DPP10: variants seen among roughly 807,000 people sequenced by gnomAD.
DPP10 encodes inactive dipeptidyl peptidase 10.
A neutral mutation model predicts 120.9 loss-of-function variants in DPP10; 33 were observed. That is an observed-to-expected ratio of 0.27 (90% CI 0.21 to 0.37). DPP10 has a LOEUF of 0.37. DPP10 is among the 10% of genes least tolerant of loss of function. The pLI is 1.00. For synonymous variants in DPP10, 337 were observed against 326.1 expected, an observed-to-expected ratio of 1.03 and a Z score of -0.36; for missense variants, 816 against 942.8, an observed-to-expected ratio of 0.87 and a Z score of 1.76.
At chr2:115,234,567 GAA>G (rs2105512094) in intron 1 of DPP10, 2 of 152,392 alleles carry the variant, frequency 1.3e-5, no homozygotes, top group South Asian at 4.1e-4. Flanking sequence ...AGTTACTGGG[GAA>G]CATTTGAAGG....
intron 1 of DPP10, among the ~76,000 whole-genome samples, chr2:114,485,591 T>C (rs1174856039): frequency 6.7e-6 from 1 of 148,202 alleles, no homozygotes; most frequent in East Asian, 1.9e-4. Flanking sequence ...GCACTAGTGT[T>C]GTGGCCTAAT....
At chr2:115,290,411 G>A (rs934427052) in intron 1 of DPP10, among the ~76,000 whole-genome samples, 4 of 152,006 alleles carry the variant, frequency 2.6e-5, no homozygotes, top group Non-Finnish European at 5.9e-5. Context: ...TGGATAAATA[G>A]GCAGGTGGAT....
chr2:115,179,682 T>C (rs1034860599), intron 1 of DPP10, among the ~76,000 whole-genome samples: 3 of 152,182 alleles, frequency 2.0e-5, no homozygotes, highest in African/African-American at 7.2e-5. Flanking sequence ...TTATGGATTT[T>C]TGTGTCCTTA....
In DPP10 at chr2:114,598,214, G is replaced by T. The variant is rs139594401; in HGVS notation, c.60+155376G>T. ...GATACAGGGCTAAAGTGGCTAACTTGTTCTACATTTTAGAGAAACTTGTTT... is the reference window on the plus strand; with the variant it reads ...GATACAGGGCTAAAGTGGCTAACTTTTTCTACATTTTAGAGAAACTTGTTT... On this transcript the variant is annotated intron_variant, in intron 1 of 25. Transcript: ENST00000410059. Among the ~76,000 whole-genome samples, 414 of 152,028 alleles carry T rather than the reference G, an allele frequency of 2.7e-3. 3 individuals carry two copies. Among genetic ancestry groups the T allele is most frequent in the African/African-American group, 9.4e-3 (390 of 41,518 alleles).
chr2:115,522,817 A>G (rs1348670782), intron 4 of DPP10, among the ~76,000 whole-genome samples: 1 of 152,190 alleles, frequency 6.6e-6, no homozygotes, highest in Non-Finnish European at 1.5e-5. Flanking sequence ...TAATAGCATT[A>G]TTGGCAATAA....
intron 3 of DPP10, among the ~76,000 whole-genome samples, chr2:115,440,398 C>T (rs1283693633): frequency 1.3e-5 from 2 of 151,636 alleles, no homozygotes; most frequent in East Asian, 3.9e-4. Context: ...TCCCTTTTTT[C>T]TAGATATTCC....
intron 1 of DPP10, among the ~76,000 whole-genome samples, chr2:115,300,877 T>G (rs1261142137): frequency 6.6e-6 from 1 of 152,064 alleles, no homozygotes; most frequent in African/African-American, 2.4e-5. Context: ...TTGAAAGGGC[T>G]GGATTTCCCT....
chr2:115,268,796 G>A (rs372404391), intron 1 of DPP10, among the ~76,000 whole-genome samples: 3 of 152,028 alleles, frequency 2.0e-5, no homozygotes, highest in African/African-American at 4.8e-5. Flanking sequence ...TTTCTTTACC[G>A]TTATATCTGC....
At chr2:115,193,832 C>G (rs535291921) in intron 1 of DPP10, among the ~76,000 whole-genome samples, 1 of 152,080 alleles carries the variant, frequency 6.6e-6, no homozygotes, top group East Asian at 1.9e-4. Context: ...CTCAATCACC[C>G]GGGAGGAACC....
intron 19 of DPP10, among the ~76,000 whole-genome samples, chr2:115,811,984 T>C (rs1238099564): frequency 6.6e-6 from 1 of 152,208 alleles, no homozygotes; most frequent in African/African-American, 2.4e-5. Context: ...GTTGTTATTG[T>C]CCTATAAATC....
chr2:115,402,965 G>GTA (rs1391993899), intron 3 of DPP10, among the ~76,000 whole-genome samples: 3 of 133,864 alleles, frequency 2.2e-5, no homozygotes, highest in East Asian at 2.1e-4. Context: ...ATATATATAT[G>GTA]TATATATATA....
chr2:115,457,447 A>T (rs843442), intron 3 of DPP10, among the ~76,000 whole-genome samples: 147,448 of 152,186 alleles, frequency 0.97, 71,612 homozygotes, highest in East Asian at 1. Flanking sequence ...AGGGAGAATG[A>T]ATTTGCAAAC....
chr2:114,929,472 C>G (rs1695903257), intron 1 of DPP10, among the ~76,000 whole-genome samples: 1 of 152,106 alleles, frequency 6.6e-6, no homozygotes, highest in African/African-American at 2.4e-5. Context: ...AGAGGCCTCC[C>G]CCTGGGAATG....
chr2:115,727,571 T>TA (rs1367789644), intron 7 of DPP10, among the ~76,000 whole-genome samples: 3 of 152,088 alleles, frequency 2.0e-5, no homozygotes, highest in Admixed American at 1.3e-4. Flanking sequence ...TTGCTGAAAA[T>TA]ATGGATTTAA....
chr2:115,418,612 T>A (rs958202799), intron 3 of DPP10, among the ~76,000 whole-genome samples: 2 of 150,408 alleles, frequency 1.3e-5, no homozygotes, highest in Non-Finnish European at 3.0e-5. Flanking sequence ...CTCATATTTA[T>A]TTTTTTTTAA....
chr2:115,620,059 A>G (rs1448543120), intron 5 of DPP10, among the ~76,000 whole-genome samples: 5 of 152,168 alleles, frequency 3.3e-5, no homozygotes, highest in South Asian at 2.1e-4. Flanking sequence ...ACTGATTGGC[A>G]TTGCTCACTG....
chr2:114,577,583 C>T (rs775941755), intron 1 of DPP10, among the ~76,000 whole-genome samples: 4 of 152,120 alleles, frequency 2.6e-5, no homozygotes, highest in Non-Finnish European at 5.9e-5. Context: ...AAACATGTCT[C>T]TATTTTTTTT....
intron 9 of DPP10, among the ~76,000 whole-genome samples, chr2:115,740,741 C>T (rs918207006): frequency 6.6e-6 from 1 of 152,022 alleles, no homozygotes; most frequent in Non-Finnish European, 1.5e-5. Flanking sequence ...TTTAATTGCT[C>T]GAGATCTCTT....
chr2:114,643,198 A>G (rs1463476032), intron 1 of DPP10, among the ~76,000 whole-genome samples: 2 of 151,886 alleles, frequency 1.3e-5, no homozygotes, highest in Non-Finnish European at 1.5e-5. Context: ...TCATATGGCT[A>G]TTCTAAGATC....
Sources: allele counts gnomAD v4.1 joint callset (sites outside exome capture counted in the v4.1 genomes callset), GRCh38; gene constraint gnomAD v4.1.1; transcripts MANE v1.5; gene names NCBI Gene and HGNC (gene_info 2026-07-23, HGNC 2026-07-21).